Variants in HLCS observed in about 807,000 individuals in gnomAD.
The protein encoded by HLCS is holocarboxylase synthetase.
A neutral mutation model predicts 75.0 loss-of-function variants in HLCS; 53 were observed. The observed-to-expected ratio is 0.71, with a 90% CI of 0.57 to 0.89. The LOEUF is 0.89. HLCS is among the 40% of genes least tolerant of loss of function. The probability of loss-of-function intolerance (pLI) is 0.00; values close to 1 mark genes in which losing one functional copy is unlikely to be tolerated. For synonymous variants in HLCS, 431 were observed against 428.6 expected, an observed-to-expected ratio of 1.01 and a Z score of -0.07; for missense variants, 966 against 1,074.0, an observed-to-expected ratio of 0.90 and a Z score of 1.41.
intron 6 of HLCS, among the ~76,000 whole-genome samples, chr21:36,815,342 T>G (rs1016951116): frequency 5.3e-5 from 8 of 152,176 alleles, no homozygotes; most frequent in African/African-American, 1.9e-4. Context: ...ATGAAGCTTT[T>G]CTAACAGTGA....
intron 6 of HLCS, among the ~76,000 whole-genome samples, chr21:36,816,726 G>A (rs907653976): frequency 5.3e-5 from 8 of 152,292 alleles, no homozygotes; most frequent in South Asian, 2.1e-4. Flanking sequence ...ATGAGCTATC[G>A]GAAACGCTGA....
chr21:36,767,908 AAAG>A (rs2090097301), intron 6 of HLCS, among the ~76,000 whole-genome samples: 1 of 152,220 alleles, frequency 6.6e-6, no homozygotes, highest in Admixed American at 6.5e-5. Flanking sequence ...GTTTCATTGA[AAAG>A]AATACAAACT....
intron 2 of HLCS, among the ~76,000 whole-genome samples, chr21:36,954,336 C>T (rs2067817647): frequency 2.0e-5 from 3 of 151,076 alleles, no homozygotes. Flanking sequence ...AAGTATAGGC[C>T]AGGTGCAGTG....
intron 10 of HLCS, 79 bp from the exon 11 acceptor site, chr21:36,754,496 G>T: frequency 6.8e-7 from 1 of 1,463,738 alleles, no homozygotes; most frequent in Non-Finnish European, 9.3e-7. Context: ...AATAATCCAT[G>T]ATGAGAGAGC....
chr21:36,927,037 C>T (rs1304452968), intron 5 of HLCS, among the ~76,000 whole-genome samples: 2 of 152,256 alleles, frequency 1.3e-5, no homozygotes, highest in East Asian at 1.9e-4. Context: ...TGAGCCACTG[C>T]ACCTGGCCCA....
At chr21:36,886,679 C>T (rs1601627727) in intron 6 of HLCS, among the ~76,000 whole-genome samples, 1 of 152,272 alleles carries the variant, frequency 6.6e-6, no homozygotes, top group East Asian at 1.9e-4. Flanking sequence ...TGTCAAAATT[C>T]ATGTGTTGAA....
intron 6 of HLCS, among the ~76,000 whole-genome samples, chr21:36,869,125 T>C (rs559593971): frequency 1.3e-5 from 2 of 151,220 alleles, no homozygotes; most frequent in African/African-American, 4.9e-5. Context: ...TTTATTTATT[T>C]ATTTATTTAT....
intron 8 of HLCS, 67 bp from the exon 9 acceptor site, chr21:36,759,908 C>A: frequency 3.0e-6 from 3 of 989,704 alleles, no homozygotes; most frequent in Non-Finnish European, 4.9e-6. Flanking sequence ...AGTCACTGAG[C>A]TAAGGGAAGA....
intron 1 of HLCS, among the ~76,000 whole-genome samples, chr21:36,963,644 C>A (rs2068424073): frequency 6.6e-6 from 1 of 151,882 alleles, no homozygotes; most frequent in African/African-American, 2.4e-5. Flanking sequence ...CCCAGCTACT[C>A]GGGAGGCTAA....
chr21:36,932,482 C>T (rs1024356069), intron 4 of HLCS, among the ~76,000 whole-genome samples: 3 of 152,186 alleles, frequency 2.0e-5, no homozygotes, highest in Admixed American at 2.0e-4. Context: ...TGGAACTTCA[C>T]CTAGTTACTT....
intron 5 of HLCS, among the ~76,000 whole-genome samples, chr21:36,910,880 ACC>A (rs2065675269): frequency 6.6e-6 from 1 of 151,866 alleles, no homozygotes; most frequent in Non-Finnish European, 1.5e-5. Context: ...CCTGCTTCCC[ACC>A]CTGTGTTCTG....
Position 36,815,608 on chromosome 21 carries a change from GA to G in HLCS, c.1893-48324del, listed in dbSNP as rs376866409. On this transcript the variant is annotated intron_variant, in intron 6 of 10. Coordinates refer to ENST00000674895, the MANE Select transcript of HLCS (RefSeq NM_001352514.2). ...TTTGGACAAATGAGTAAAGACGGGG[GA>G]TAGGTTGTGTAGAATTCATCAAATT... Among the ~76,000 whole-genome samples the G allele has an allele frequency of 7.5e-4, 114 of 152,330 alleles. 2 individuals are homozygous for G. In the South Asian group the frequency reaches 0.023, roughly 31 times the overall value.
chr21:36,954,104 G>A (rs1185843702), intron 2 of HLCS, among the ~76,000 whole-genome samples: 1 of 152,054 alleles, frequency 6.6e-6, no homozygotes, highest in Non-Finnish European at 1.5e-5. Context: ...TCAAGAGATC[G>A]AGACCATCCT....
intron 6 of HLCS, among the ~76,000 whole-genome samples, chr21:36,884,487 C>G (rs2064363652): frequency 6.6e-6 from 1 of 152,168 alleles, no homozygotes; most frequent in Admixed American, 6.5e-5. Flanking sequence ...TGTCTTTGGC[C>G]CTTCTGCTAA....
chr21:36,820,573 C>T (rs1322280952), intron 6 of HLCS, among the ~76,000 whole-genome samples: 2 of 152,266 alleles, frequency 1.3e-5, no homozygotes, highest in African/African-American at 4.8e-5. Context: ...CGCTGACATG[C>T]CAGCCCCCTG....
intron 4 of HLCS, among the ~76,000 whole-genome samples, chr21:36,934,908 G>A (rs1443965312): frequency 6.6e-6 from 1 of 152,182 alleles, no homozygotes; most frequent in Admixed American, 6.5e-5. Context: ...AATCAAAAAT[G>A]ACATTCTAAT....
chr21:36,920,389 T>C (rs1239022289), intron 5 of HLCS, among the ~76,000 whole-genome samples: 2 of 147,622 alleles, frequency 1.4e-5, no homozygotes, highest in East Asian at 2.0e-4. Flanking sequence ...GGGGCAGAGA[T>C]GGGAATGGTT....
chr21:36,813,613 G>A (rs944297521), intron 6 of HLCS, among the ~76,000 whole-genome samples: 3 of 152,198 alleles, frequency 2.0e-5, no homozygotes, highest in Non-Finnish European at 4.4e-5. Context: ...TTGGAAAAAT[G>A]TGTAATGAAT....
chr21:36,979,001 G>A (rs1409661206), intron 1 of HLCS, among the ~76,000 whole-genome samples: 2 of 152,130 alleles, frequency 1.3e-5, no homozygotes, highest in Non-Finnish European at 2.9e-5. Context: ...CAGGTGCGGT[G>A]GCTCACGCCT....
Sources: allele counts gnomAD v4.1 joint callset (sites outside exome capture counted in the v4.1 genomes callset), GRCh38; gene constraint gnomAD v4.1.1; transcripts MANE v1.5; gene names NCBI Gene and HGNC (gene_info 2026-07-23, HGNC 2026-07-21).